The following ASIC4 variants were observed in gnomAD, a reference collection of about 807,000 sequenced individuals.
ASIC4 encodes acid sensing ion channel subunit family member 4, also known as acid-sensing ion channel 4.
A neutral mutation model predicts 53.4 loss-of-function variants in ASIC4; 28 were observed. The observed-to-expected ratio is 0.52, with a 90% CI of 0.39 to 0.72. The LOEUF is 0.72. Among genes scored for constraint, ASIC4 ranks in the 30% least tolerant of loss-of-function variants. The pLI, the probability that ASIC4 is intolerant of heterozygous loss-of-function variation, is 0.00. For synonymous variants in ASIC4, 289 were observed against 301.4 expected (o/e 0.96, Z 0.43); for missense variants, 649 against 729.7 (o/e 0.89, Z 1.27).
chr2:219,533,125 C>T, intron 5 of ASIC4, 186 bp downstream of exon 5: 2 of 659,548 alleles, frequency 3.0e-6, no homozygotes, highest in Admixed American at 2.3e-5. Context: ...GGTACAGACA[C>T]TTGGGTAAGT....
chr2:219,519,665 A>G (rs1452678255), intron 1 of ASIC4, among the ~76,000 whole-genome samples: 1 of 152,236 alleles, frequency 6.6e-6, no homozygotes, highest in Non-Finnish European at 1.5e-5. Flanking sequence ...TGCGACAGAG[A>G]AAATGAATTT....
At chr2:219,514,193 G>C, upstream of ASIC4, 1 of 953,938 alleles carries the variant, frequency 1.0e-6, no homozygotes, top group Non-Finnish European at 1.5e-6. Context: ...CTAGGGTGCA[G>C]CAGGAGTTTG....
intron 1 of ASIC4, among the ~76,000 whole-genome samples, chr2:219,529,294 G>T (rs557921224): frequency 3.3e-5 from 5 of 152,338 alleles, no homozygotes; most frequent in African/African-American, 1.2e-4. Context: ...TGGATACATA[G>T]CAGGGAGGAG....
Position 219,537,640 on chromosome 2 carries a change from G to T in ASIC4, c.1410G>T (p.Trp470Cys), listed in dbSNP as rs539061215. 2 of 1,612,770 alleles carry T rather than the reference G, an allele frequency of 1.2e-6. No individual in the cohort carries two copies. Among genetic ancestry groups the T allele is most frequent in the South Asian group, 2.2e-5 (2 of 90,924 alleles). ...EILDYIYEVS[W>C]DRLKRVWRRP... ...CGACCCTGAACCCCAAGGTGTCCTGGGATCGACTGAAGCGGGTATGGAGGC... is the reference window on the plus strand; with the variant it reads ...CGACCCTGAACCCCAAGGTGTCCTGTGATCGACTGAAGCGGGTATGGAGGC... The change falls in exon 9 of 10, where the codon TGG (tryptophan) becomes TGT (cysteine). Residue 470 changes from tryptophan (W) to cysteine (C), a missense_variant. By Grantham distance (215) the Trp-to-Cys change is radical. Transcript: ENST00000358078. This position sits in a 1 kb window ranked among gnomAD's most constrained non-coding sequence, Gnocchi z 4.9.
Position 219,514,838 on chromosome 2 carries a change from C to A in ASIC4, c.114C>A (p.Ala38=), listed in dbSNP as rs3731909. Reference sequence around the variant, plus strand: ...TCGGGGCTGTTGCCCCTGGAGCAGCCCCCCGAGACCTGGCCACCTTTGCCA... The same window carrying A: ...TCGGGGCTGTTGCCCCTGGAGCAGCACCCCGAGACCTGGCCACCTTTGCCA... The part of the protein sequence containing the change: ...SLLGAVAPGA[A]PRDLATFAST... Residue 38 remains alanine (A), a synonymous_variant, in exon 1 of 10, where the codon GCC becomes GCA. Coordinates refer to ENST00000358078, the MANE Select transcript of ASIC4 (RefSeq NM_018674.6). The A allele has an allele frequency of 9.9e-6, 16 of 1,612,860 alleles. No homozygotes were observed. Among genetic ancestry groups the A allele is most frequent in the Non-Finnish European group, 1.0e-5 (12 of 1,179,882 alleles).
chr2:219,531,423 G>A (rs924110869), intron 1 of ASIC4, among the ~76,000 whole-genome samples: 2 of 152,162 alleles, frequency 1.3e-5, no homozygotes, highest in African/African-American at 4.8e-5. Flanking sequence ...GGATGCAGGA[G>A]TGATGGAAGG....
chr2:219,532,151 T>G (rs1695052835), intron 3 of ASIC4, 23 bp downstream of exon 3: 1 of 1,613,748 alleles, frequency 6.2e-7, no homozygotes, highest in Non-Finnish European at 8.5e-7. Context: ...TGCTAGGCCC[T>G]GGATTGGGCA....
Position 219,514,886 on chromosome 2 carries a change from G to A in ASIC4, c.162G>A (p.Leu54=). Residue 54 remains leucine, a synonymous_variant, in exon 1 of 10, where the codon CTG becomes CTA. Transcript: ENST00000358078. ...CCAGCACCAGCACCCTGCATGGACT[G>A]GGCCGGGCCTGTGGCCCAGGCCCCC... ...TFASTSTLHG[L]GRACGPGPHG... 1.2e-6 allele frequency: 2 copies of A among 1,612,614 alleles called. No individual in the cohort carries two copies. The highest frequency in any genetic ancestry group is 8.5e-7 in the Non-Finnish European group (1 of 1,179,836).
At chr2:219,513,412 G>A (rs777665704), upstream of ASIC4, among the ~76,000 whole-genome samples, 1 of 150,728 alleles carries the variant, frequency 6.6e-6, no homozygotes, top group South Asian at 2.1e-4. Flanking sequence ...CCACATGCCT[G>A]TTCCCCTCCA....
chr2:219,538,099 C>T lies in ASIC4; in HGVS notation c.*53C>T, dbSNP rs1695178972. 1.3e-5 allele frequency: 19 copies of T among 1,435,610 alleles called. No homozygotes were observed. The highest frequency in any genetic ancestry group is 1.8e-5 in the Non-Finnish European group (19 of 1,035,820). The allele number at this position is 1,435,610 out of a possible 1,614,324, so 88.9% of individuals were successfully genotyped here. On this transcript the variant is annotated 3_prime_UTR_variant, in exon 10 of 10. Transcript: ENST00000358078. Reference sequence around the variant, plus strand: ...GAGTCTGGGACCCCTCCTGGGATCCCCAGCACATTCTCCTGCTCCTGGGAG... The same window carrying T: ...GAGTCTGGGACCCCTCCTGGGATCCTCAGCACATTCTCCTGCTCCTGGGAG...
intron 1 of ASIC4, among the ~76,000 whole-genome samples, chr2:219,530,148 C>G (rs369345226): frequency 3.9e-5 from 6 of 152,170 alleles, no homozygotes; most frequent in Non-Finnish European, 7.4e-5. Context: ...TGATTGAGTG[C>G]GCCGACCCCT....
chr2:219,532,728 G>A, intron 4 of ASIC4, 155 bp from the exon 5 acceptor site: 1 of 855,974 alleles, frequency 1.2e-6, no homozygotes, highest in Non-Finnish European at 1.8e-6. Flanking sequence ...TTATATCCGT[G>A]GTTGCGTATT....
intron 1 of ASIC4, among the ~76,000 whole-genome samples, chr2:219,527,494 T>C (rs922628895): frequency 6.6e-6 from 1 of 152,192 alleles, no homozygotes; most frequent in South Asian, 2.1e-4. Flanking sequence ...TGTGTGTCTG[T>C]TGGAGGTACC....
upstream of ASIC4, among the ~76,000 whole-genome samples, chr2:219,511,259 A>AG (rs1694697831): frequency 6.6e-6 from 1 of 152,004 alleles, no homozygotes; most frequent in Non-Finnish European, 1.5e-5. The surrounding 1 kb of genome is among the most constrained non-coding windows in gnomAD (Gnocchi z 5.3). Flanking sequence ...GGAACCCCCC[A>AG]GGTTGGATCC....
rs757090803 is a variant in ASIC4 at position 219,532,348 on chromosome 2, C to T, written c.889C>T (p.Arg297Cys). The part of the protein sequence containing the change: ...TYLPQPWGNC[R>C]AESELREPEL... ...CCTGCCCCAGCCCTGGGGCAACTGC[C>T]GCGCAGAGAGTGAGCTCAGGGAGCC... The change falls in exon 4 of 10, where the codon CGC becomes TGC. Residue 297 changes from arginine (R) to cysteine (C), a missense_variant. Coordinates refer to ENST00000358078, the MANE Select transcript of ASIC4 (RefSeq NM_018674.6). The T allele has an allele frequency of 1.9e-6, 3 of 1,613,470 alleles. No homozygotes were observed. Among genetic ancestry groups the T allele is most frequent in the African/African-American group, 1.3e-5 (1 of 74,930 alleles).
At chr2:219,513,934 C>T (rs914559088), upstream of ASIC4, among the ~76,000 whole-genome samples, 3 of 152,224 alleles carry the variant, frequency 2.0e-5, no homozygotes, top group African/African-American at 7.2e-5. Context: ...GCCCCCCTCC[C>T]TCCGTCATTC....
chr2:219,535,214 C>T lies in ASIC4; in HGVS notation c.1119C>T (p.Thr373=). ...GGPEGPCFCP[T]PCNLTRYGKE... ...CTGAGGGCCCGTGCTTCTGCCCCAC[C>T]CCCTGCAACCTGACACGCTATGGGA... The change falls in exon 6 of 10, where the codon ACC becomes ACT. Residue 373 remains threonine, a synonymous_variant. Coordinates refer to ENST00000358078, the MANE Select transcript of ASIC4 (RefSeq NM_018674.6). The T allele has an allele frequency of 1.2e-6, 2 of 1,614,032 alleles. No homozygotes were observed. Among genetic ancestry groups the T allele is most frequent in the Non-Finnish European group, 1.7e-6 (2 of 1,179,954 alleles).
Position 219,537,877 on chromosome 2 carries a change from C to A in ASIC4, c.1507-56C>A. ...CAAGGAAAGGCTGGCGGTGTGAGCCCTGGGGGCACCACTTGAGCTCTCCCG... is the reference window on the plus strand; with the variant it reads ...CAAGGAAAGGCTGGCGGTGTGAGCCATGGGGGCACCACTTGAGCTCTCCCG... On this transcript the variant is annotated intron_variant, in intron 9 of 9. Coordinates refer to ENST00000358078, the MANE Select transcript of ASIC4 (RefSeq NM_018674.6). This position sits in a 1 kb window ranked among gnomAD's most constrained non-coding sequence, Gnocchi z 4.9. 2.0e-6 allele frequency: 3 copies of A among 1,509,200 alleles called. No individual in the cohort carries two copies. The highest frequency in any genetic ancestry group is 2.7e-6 in the Non-Finnish European group (3 of 1,105,656). 93.5% of individuals were successfully genotyped at this position (1,509,200 alleles called of 1,614,324 possible).
Position 219,537,596 on chromosome 2 carries a change from C to T in ASIC4, c.1402-36C>T. On this transcript the variant is annotated intron_variant, in intron 8 of 9. Coordinates refer to ENST00000358078, the MANE Select transcript of ASIC4 (RefSeq NM_018674.6). The surrounding 1 kb of genome is among the most constrained non-coding windows in gnomAD (Gnocchi z 4.9). ...TCACGCTTCTCCTCAACCAAATTTCCTGAGCCCACTGCTGTCCCCGACCCT... is the reference window on the plus strand; with the variant it reads ...TCACGCTTCTCCTCAACCAAATTTCTTGAGCCCACTGCTGTCCCCGACCCT... 6.4e-7 allele frequency: 1 copy of T among 1,570,634 alleles called. No individual in the cohort carries two copies. Among genetic ancestry groups the T allele is most frequent in the Non-Finnish European group, 8.7e-7 (1 of 1,153,684 alleles).
Sources: allele counts gnomAD v4.1 joint callset (sites outside exome capture counted in the v4.1 genomes callset), GRCh38; gene constraint gnomAD v4.1.1; non-coding constraint Gnocchi (gnomAD v3.1); transcripts MANE v1.5; gene names NCBI Gene and HGNC (gene_info 2026-07-23, HGNC 2026-07-21).